CA8: variants seen among roughly 807,000 people sequenced by gnomAD.
CA8 encodes carbonic anhydrase 8 (inactive), also known as carbonic anhydrase-related protein.
Under a neutral mutation model 41.4 loss-of-function variants are expected in CA8, and 22 were observed. The observed-to-expected ratio is 0.53, with a 90% confidence interval of 0.38 to 0.76. The LOEUF (loss-of-function observed/expected upper bound fraction) is 0.76, where lower values mean the gene tolerates loss of function less well. Ranked by LOEUF, CA8 falls within the 30% of genes least tolerant of loss-of-function variation. The probability of loss-of-function intolerance (pLI) is 0.00; values close to 1 mark genes in which losing one functional copy is unlikely to be tolerated. For synonymous variants in CA8, 121 were observed against 130.6 expected, an observed-to-expected ratio of 0.93 and a Z score of 0.50; for missense variants, 270 against 352.8, an observed-to-expected ratio of 0.77 and a Z score of 1.88.
chr8:60,244,790 G>A (rs1323388115), intron 3 of CA8, among the ~76,000 whole-genome samples: 1 of 152,112 alleles, frequency 6.6e-6, no homozygotes, highest in East Asian at 1.9e-4. Context: ...ACTACACCTG[G>A]AAAGGTACTT....
intron 7 of CA8, among the ~76,000 whole-genome samples, chr8:60,219,132 T>G (rs1232412414): frequency 2.0e-5 from 3 of 151,652 alleles, no homozygotes; most frequent in Non-Finnish European, 2.9e-5. Context: ...CATATTCTTT[T>G]CTTGGGTGTC....
intron 8 of CA8, among the ~76,000 whole-genome samples, chr8:60,191,679 T>C (rs934721052): frequency 6.6e-6 from 1 of 152,122 alleles, no homozygotes; most frequent in African/African-American, 2.4e-5. Flanking sequence ...CAGAACTCAT[T>C]TGGGAGAGGC....
At position 60,186,436 on chromosome 8, in the gene CA8, T is replaced by C. The variant is rs1215635373; in HGVS notation, c.*3585A>G. Among the ~76,000 whole-genome samples the C allele has an allele frequency of 6.7e-6, 1 of 149,000 alleles. No homozygotes were observed. Among genetic ancestry groups the C allele is most frequent in the Admixed American group, 6.7e-5 (1 of 15,014 alleles). On this transcript the variant is annotated 3_prime_UTR_variant, in exon 9 of 9. Coordinates refer to ENST00000317995, the MANE Select transcript of CA8 (RefSeq NM_004056.6). The stretch of plus-strand genomic sequence containing the variant: ...AAAAATAATTAAAGCAATTGAAATA[T>C]ACTAGAAAATATTCACCTAATTAAA...
rs769999610 is a variant in CA8 at position 60,279,912 on chromosome 8, G to A, written c.101-32C>T. 1.0e-5 allele frequency: 16 copies of A among 1,547,972 alleles called. No individual in the cohort carries two copies. The South Asian group carries it at 1.9e-4, about 18-fold the overall frequency. On this transcript the variant is annotated intron_variant, in intron 1 of 8. Transcript: ENST00000317995. ...ACAAAATGAAATAAATTAAAAACAG[G>A]TTAAAAAATAAATTACAGTAAAATT...
chr8:60,256,879 G>C (rs1400490545), intron 3 of CA8, among the ~76,000 whole-genome samples: 1 of 152,066 alleles, frequency 6.6e-6, no homozygotes, highest in Non-Finnish European at 1.5e-5. Flanking sequence ...AAACAGGGAA[G>C]AAGTTTTAAA....
rs567308784 is a variant in CA8, at chr8:60,268,239, G to A, written c.293-2190C>T. Among the ~76,000 whole-genome samples the A allele has an allele frequency of 1.1e-4, 17 of 152,150 alleles. No homozygotes were observed. In the South Asian group the frequency reaches 3.1e-3, roughly 28 times the overall value. ...AGGAGTGTCATGAAATGAAGCACAT[G>A]TGAAATGGGAAAGAGGATTCTTAAA... On this transcript the variant is annotated intron_variant, in intron 2 of 8. Coordinates refer to ENST00000317995, the MANE Select transcript of CA8 (RefSeq NM_004056.6).
At chr8:60,255,203 C>G (rs1808584342) in intron 3 of CA8, among the ~76,000 whole-genome samples, 1 of 152,166 alleles carries the variant, frequency 6.6e-6, no homozygotes, top group Non-Finnish European at 1.5e-5. Context: ...CTGAGCTACT[C>G]TTAGGGAGCA....
intron 3 of CA8, among the ~76,000 whole-genome samples, chr8:60,245,807 A>C (rs1409701841): frequency 6.6e-6 from 1 of 152,180 alleles, no homozygotes; most frequent in Non-Finnish European, 1.5e-5. Context: ...GGTGTGAACC[A>C]AAAAAGCTCA....
At chr8:60,244,447 A>G (rs1329498200) in intron 3 of CA8, among the ~76,000 whole-genome samples, 8 of 152,334 alleles carry the variant, frequency 5.3e-5, no homozygotes, top group Admixed American at 3.9e-4. Flanking sequence ...TACAATCTTG[A>G]TAAGTATGGC....
rs150213966 is a variant in CA8, at chr8:60,220,281, G to A, written c.738+2368C>T. Among the ~76,000 whole-genome samples, 319 of 152,226 alleles carry A rather than the reference G, an allele frequency of 2.1e-3. 1 individual carries two copies. Among genetic ancestry groups the A allele is most frequent in the African/African-American group, 7.5e-3 (310 of 41,516 alleles). On this transcript the variant is annotated intron_variant, in intron 7 of 8. Coordinates refer to ENST00000317995, the MANE Select transcript of CA8 (RefSeq NM_004056.6). The stretch of plus-strand genomic sequence containing the variant: ...AAACAGCACAGTGGAAGGGATGGAG[G>A]AGGAATGGTATTGCAGAAGGGAAGC...
At chr8:60,273,571 G>T (rs1023820803) in intron 2 of CA8, among the ~76,000 whole-genome samples, 1 of 152,200 alleles carries the variant, frequency 6.6e-6, no homozygotes, top group Non-Finnish European at 1.5e-5. Flanking sequence ...TGCAGGAGAA[G>T]AGGGTTCAGA....
intron 3 of CA8, among the ~76,000 whole-genome samples, chr8:60,258,488 G>A (rs1030088537): frequency 1.3e-5 from 2 of 152,252 alleles, no homozygotes; most frequent in Non-Finnish European, 2.9e-5. Context: ...AACCTTTTTG[G>A]CATCAGGGAC....
chr8:60,221,123 A>AT (rs1432133217), intron 7 of CA8, among the ~76,000 whole-genome samples: 2 of 152,170 alleles, frequency 1.3e-5, no homozygotes, highest in African/African-American at 4.8e-5. Flanking sequence ...CCAAATCTAG[A>AT]TATCGTGAAT....
chr8:60,186,137 T>C lies in CA8; in HGVS notation c.*3884A>G, dbSNP rs1021861720. The stretch of plus-strand genomic sequence containing the variant: ...TAAAAGCTTACTAGAAGAAACTCTA[T>C]AAATATAATTTGTTCTCAAGTCTCT... On this transcript the variant is annotated 3_prime_UTR_variant, in exon 9 of 9. Transcript: ENST00000317995. Among the ~76,000 whole-genome samples the C allele has an allele frequency of 9.2e-5, 14 of 152,030 alleles. No homozygotes were observed. Among genetic ancestry groups the C allele is most frequent in the Admixed American group, 5.2e-4 (8 of 15,242 alleles).
intron 6 of CA8, among the ~76,000 whole-genome samples, chr8:60,223,508 C>T (rs1416371161): frequency 5.3e-5 from 8 of 152,162 alleles, no homozygotes. Flanking sequence ...TAGTCTCAAA[C>T]TCTTGGCCTC....
In CA8 at chr8:60,279,674, T is replaced by C. The variant is rs377244093; in HGVS notation, c.292+15A>G. On this transcript the variant is annotated intron_variant, in intron 2 of 8. Coordinates refer to ENST00000317995, the MANE Select transcript of CA8 (RefSeq NM_004056.6). ...TCTAGTTTAAAAGACCACACAAACA[T>C]ATTTTCTAAAATACCTGATTTTGAC... 45 of 1,609,770 alleles carry C rather than the reference T, an allele frequency of 2.8e-5. No homozygotes were observed. The African/African-American group carries it at 5.1e-4, about 18-fold the overall frequency.
At chr8:60,193,674 T>C (rs1242477093) in intron 8 of CA8, among the ~76,000 whole-genome samples, 1 of 152,216 alleles carries the variant, frequency 6.6e-6, no homozygotes, top group Non-Finnish European at 1.5e-5. Flanking sequence ...AAATTCCAGA[T>C]TCCTTGATTT....
At chr8:60,221,297 T>G (rs1807237328) in intron 7 of CA8, among the ~76,000 whole-genome samples, 1 of 152,254 alleles carries the variant, frequency 6.6e-6, no homozygotes, top group South Asian at 2.1e-4. Context: ...ATCATGTTAA[T>G]TATTTAGTCA....
chr8:60,218,426 A>G (rs990579008), intron 7 of CA8, among the ~76,000 whole-genome samples: 2 of 152,090 alleles, frequency 1.3e-5, no homozygotes, highest in African/African-American at 4.8e-5. Flanking sequence ...GGCACATAGC[A>G]AATGTCGAAT....
Sources: gnomAD v4.1 joint callset for allele counts (sites outside exome capture counted in the v4.1 genomes callset) on GRCh38, gnomAD v4.1.1 for gene constraint, MANE v1.5 for transcripts, NCBI Gene and HGNC (gene_info 2026-07-23, HGNC 2026-07-21) for gene names.